ABCA13: variants seen among roughly 807,000 people sequenced by gnomAD.
The protein encoded by ABCA13 is ATP binding cassette subfamily A member 13.
Under a neutral mutation model 478.7 loss-of-function variants are expected in ABCA13, and 476 were observed. That is an observed-to-expected ratio of 0.99 (90% confidence interval 0.92 to 1.07). The LOEUF (loss-of-function observed/expected upper bound fraction) is 1.07. Ranked by LOEUF, ABCA13 falls within the 50% of genes least tolerant of loss-of-function variation. ABCA13 has a pLI of 0.00. For missense variants in ABCA13, 6,060 were observed against 5,910.6 expected (o/e 1.03, Z -0.83); for synonymous variants, 2,252 against 2,158.9 (o/e 1.04, Z -1.20).
chr7:48,422,055 CAAAAAAAAAAAAAAAA>C (rs4022355), intron 41 of ABCA13, among the ~76,000 whole-genome samples: 1 of 80,578 alleles, frequency 1.2e-5, no homozygotes, highest in Non-Finnish European at 2.4e-5. Context: ...GTCTTTCTTA[CAAAAAAAAAAAAAAAA>C]AAAAAAAAAA....
chr7:48,202,172 C>G (rs199504164), intron 3 of ABCA13, among the ~76,000 whole-genome samples: 3 of 151,930 alleles, frequency 2.0e-5, no homozygotes, highest in Non-Finnish European at 4.4e-5. Flanking sequence ...GAAGGGGACC[C>G]TAGTGGCTTG....
At chr7:48,259,720 GT>G (rs35263993) in intron 15 of ABCA13, among the ~76,000 whole-genome samples, 93,210 of 150,032 alleles carry the variant, frequency 0.62, 29,956 homozygotes, top group African/African-American at 0.81. Flanking sequence ...ATACTTAAGT[GT>G]TTTTTTTTTG....
At chr7:48,292,375 A>T (rs1798659978) in intron 20 of ABCA13, among the ~76,000 whole-genome samples, 1 of 151,700 alleles carries the variant, frequency 6.6e-6, no homozygotes, top group South Asian at 2.1e-4. Flanking sequence ...TACCACCTCC[A>T]CCAGCACCTT....
intron 35 of ABCA13, among the ~76,000 whole-genome samples, chr7:48,377,564 G>A (rs1395690446): frequency 6.6e-6 from 1 of 151,932 alleles, no homozygotes; most frequent in Non-Finnish European, 1.5e-5. Flanking sequence ...TTTAGGGATG[G>A]GTAAACATAA....
chr7:48,381,387 A>ACG (rs1814357665), intron 35 of ABCA13, among the ~76,000 whole-genome samples: 2 of 150,758 alleles, frequency 1.3e-5, no homozygotes, highest in African/African-American at 4.8e-5. Flanking sequence ...ACACACACAC[A>ACG]CACGCACGCA....
intron 51 of ABCA13, among the ~76,000 whole-genome samples, chr7:48,515,091 C>T (rs1430347205): frequency 1.3e-5 from 2 of 152,150 alleles, no homozygotes; most frequent in East Asian, 3.9e-4. Context: ...CCTGGCATCT[C>T]TTATATCATT....
chr7:48,549,941 C>T (rs780335971), intron 55 of ABCA13, among the ~76,000 whole-genome samples: 5 of 151,732 alleles, frequency 3.3e-5, no homozygotes, highest in Non-Finnish European at 7.4e-5. Flanking sequence ...TGTTTAAGTT[C>T]CTTGAAAATT....
chr7:48,191,123 C>T (rs1352569959), intron 1 of ABCA13, among the ~76,000 whole-genome samples: 1 of 152,068 alleles, frequency 6.6e-6, no homozygotes, highest in Non-Finnish European at 1.5e-5. Flanking sequence ...ATGGAATCTT[C>T]CCCCACCACC....
intron 27 of ABCA13, among the ~76,000 whole-genome samples, chr7:48,329,034 G>A (rs1232020495): frequency 1.3e-5 from 2 of 152,178 alleles, no homozygotes; most frequent in African/African-American, 4.8e-5. Context: ...TTGTGCCATT[G>A]TTTGTAAGCA....
chr7:48,227,379 G>A lies in ABCA13; in HGVS notation c.586G>A (p.Glu196Lys), dbSNP rs776831778. ...PRLHTSHDHV[E>K]DGMDVAVNLL... is the part of the protein sequence containing the mutation. ...ACTACACACAAGCCATGATCATGTGGAAGATGGCATGGATGTTGCAGTGAA... is the reference window on the plus strand; with the variant it reads ...ACTACACACAAGCCATGATCATGTGAAAGATGGCATGGATGTTGCAGTGAA... The change falls in exon 6 of 62, where the codon GAA becomes AAA. Residue 196 changes from glutamate (E) to lysine (K), a missense_variant. Transcript: ENST00000435803. 5.0e-5 allele frequency: 80 copies of A among 1,613,972 alleles called. No individual in the cohort carries two copies. The Middle Eastern group carries it at 2.0e-3, about 40-fold the overall frequency.
intron 12 of ABCA13, 70 bp downstream of exon 12, chr7:48,245,682 GT>G: frequency 2.0e-6 from 3 of 1,520,072 alleles, no homozygotes; most frequent in Non-Finnish European, 2.7e-6. Flanking sequence ...GCAATATTCA[GT>G]TTTGCTCCTT....
chr7:48,398,094 T>A (rs915073702), intron 38 of ABCA13, among the ~76,000 whole-genome samples: 1 of 152,176 alleles, frequency 6.6e-6, no homozygotes, highest in African/African-American at 2.4e-5. Context: ...TGTCTTAAAT[T>A]TGAGTGGGTA....
intron 20 of ABCA13, among the ~76,000 whole-genome samples, chr7:48,290,939 G>GAAAAAAAAAAAA (rs754416012): frequency 2.5e-5 from 2 of 79,608 alleles, no homozygotes; most frequent in African/African-American, 5.2e-5. Context: ...TCACACTCAG[G>GAAAAAAAAAAAA]GAAAAAAAAA....
chr7:48,510,584 ACCACAGGC>A (rs941618507), intron 50 of ABCA13, among the ~76,000 whole-genome samples: 1 of 152,152 alleles, frequency 6.6e-6, no homozygotes, highest in African/African-American at 2.4e-5. Context: ...ATAACAAAAT[ACCACAGGC>A]TGGGTAGCTT....
chr7:48,332,141 A>C (rs562904511), intron 27 of ABCA13, among the ~76,000 whole-genome samples: 1 of 152,164 alleles, frequency 6.6e-6, no homozygotes, highest in East Asian at 1.9e-4. Flanking sequence ...TTAACCATTT[A>C]CACATTGTGG....
rs574299156 is a variant in ABCA13 at position 48,560,232 on chromosome 7, C to T, written c.14355-19992C>T. Among the ~76,000 whole-genome samples the T allele has an allele frequency of 3.3e-5, 5 of 152,280 alleles. 1 individual carries two copies. Among genetic ancestry groups the T allele is most frequent in the African/African-American group, 9.6e-5 (4 of 41,568 alleles). On this transcript the variant is annotated intron_variant, in intron 55 of 61. Transcript: ENST00000435803. Reference sequence around the variant, plus strand: ...TGACTCCCCTCCAGCTAGGGCTGGTCCAAATGCTACCTCCATGTGTGGGCA... The same window carrying T: ...TGACTCCCCTCCAGCTAGGGCTGGTTCAAATGCTACCTCCATGTGTGGGCA...
At chr7:48,364,554 C>T (rs1811375065) in intron 31 of ABCA13, among the ~76,000 whole-genome samples, 1 of 152,142 alleles carries the variant, frequency 6.6e-6, no homozygotes, top group South Asian at 2.1e-4. Flanking sequence ...CTCTAATTAT[C>T]TTCCCCTCCC....
chr7:48,452,865 A>G (rs1014507461), intron 42 of ABCA13, among the ~76,000 whole-genome samples: 3 of 152,222 alleles, frequency 2.0e-5, no homozygotes, highest in Non-Finnish European at 4.4e-5. Context: ...GCACCCAAAA[A>G]CATCCCAGTT....
intron 39 of ABCA13, chr7:48,404,789 C>T (rs1446726918): frequency 6.6e-6 from 1 of 152,138 alleles, no homozygotes; most frequent in Non-Finnish European, 1.5e-5. Flanking sequence ...TAAAGCTTAA[C>T]CATAGGCTGG....
Sources: allele counts gnomAD v4.1 joint callset (sites outside exome capture counted in the v4.1 genomes callset), GRCh38; gene constraint gnomAD v4.1.1; transcripts MANE v1.5; gene names NCBI Gene and HGNC (gene_info 2026-07-23, HGNC 2026-07-21).